The following UNC5C variants were observed in gnomAD, a reference collection of about 807,000 sequenced individuals.
UNC5C encodes the protein netrin receptor UNC5C.
Under a neutral mutation model 99.8 loss-of-function variants are expected in UNC5C, and 47 were observed. That is an observed-to-expected ratio of 0.47 (90% CI 0.37 to 0.60). The LOEUF (loss-of-function observed/expected upper bound fraction) is 0.60. UNC5C is among the 20% of genes least tolerant of loss of function. The probability of loss-of-function intolerance (pLI) is 0.00; values close to 1 mark genes in which losing one functional copy is unlikely to be tolerated. For missense variants in UNC5C, 1,062 were observed against 1,165.9 expected (o/e 0.91, Z 1.30); for synonymous variants, 487 against 452.2 (o/e 1.08, Z -0.98).
At chr4:95,473,780 C>A (rs1368677248) in intron 1 of UNC5C, among the ~76,000 whole-genome samples, 2 of 152,148 alleles carry the variant, frequency 1.3e-5, no homozygotes, top group South Asian at 2.1e-4. Flanking sequence ...ACCACTTGCA[C>A]TAAAAACTTC....
At chr4:95,359,813 A>G (rs1431169091) in intron 1 of UNC5C, among the ~76,000 whole-genome samples, 2 of 152,188 alleles carry the variant, frequency 1.3e-5, no homozygotes, top group Non-Finnish European at 2.9e-5. Flanking sequence ...AATATTGAAA[A>G]AAATATTTTA....
chr4:95,393,372 C>T (rs1246624155), intron 1 of UNC5C, among the ~76,000 whole-genome samples: 1 of 152,098 alleles, frequency 6.6e-6, no homozygotes, highest in Non-Finnish European at 1.5e-5. Flanking sequence ...TGGTGGAACA[C>T]TGTTGGAGGA....
chr4:95,368,705 G>A (rs909025383), intron 1 of UNC5C, among the ~76,000 whole-genome samples: 11 of 152,028 alleles, frequency 7.2e-5, no homozygotes, highest in African/African-American at 2.4e-4. Flanking sequence ...AATGCAAATC[G>A]CATATGTAAT....
chr4:95,184,302 T>G (rs1459613431), intron 13 of UNC5C, among the ~76,000 whole-genome samples: 1 of 152,196 alleles, frequency 6.6e-6, no homozygotes, highest in Non-Finnish European at 1.5e-5. Context: ...AGTCTTCCAG[T>G]ATGTTCATTG....
intron 1 of UNC5C, among the ~76,000 whole-genome samples, chr4:95,488,474 T>C (rs1429686520): frequency 6.6e-6 from 1 of 151,806 alleles, no homozygotes; most frequent in Non-Finnish European, 1.5e-5. Flanking sequence ...AAGCAGTACT[T>C]CCATAGCTTC....
chr4:95,325,436 T>C (rs1489707340), intron 2 of UNC5C, among the ~76,000 whole-genome samples: 1 of 151,604 alleles, frequency 6.6e-6, no homozygotes, highest in Non-Finnish European at 1.5e-5. Context: ...AACAGAAGGA[T>C]AATTTGAAAA....
At chr4:95,382,112 T>C (rs6850970) in intron 1 of UNC5C, among the ~76,000 whole-genome samples, 37,598 of 151,928 alleles carry the variant, frequency 0.25, 5,458 homozygotes, top group East Asian at 0.65. Flanking sequence ...TAAGTGTTTG[T>C]CCTTTTTACC....
At chr4:95,545,487 A>G (rs1723032880) in intron 1 of UNC5C, among the ~76,000 whole-genome samples, 1 of 152,172 alleles carries the variant, frequency 6.6e-6, no homozygotes, top group African/African-American at 2.4e-5. Context: ...GTCTATTTGT[A>G]CCACACCAAT....
chr4:95,309,975 C>T (rs1742220232), intron 2 of UNC5C, among the ~76,000 whole-genome samples: 2 of 152,182 alleles, frequency 1.3e-5, no homozygotes, highest in African/African-American at 4.8e-5. Flanking sequence ...AAAGGGATAT[C>T]TGCTCCCCTA....
intron 1 of UNC5C, among the ~76,000 whole-genome samples, chr4:95,365,737 A>C: frequency 6.6e-6 from 1 of 152,174 alleles, no homozygotes; most frequent in Non-Finnish European, 1.5e-5. Context: ...ATGCACATGA[A>C]AAATCACTGA....
Position 95,168,451 on chromosome 4 carries a change from C to T in UNC5C, c.*783G>A, listed in dbSNP as rs1227784344. On this transcript the variant is annotated 3_prime_UTR_variant, in exon 16 of 16. Coordinates refer to ENST00000453304, the MANE Select transcript of UNC5C (RefSeq NM_003728.4). The stretch of plus-strand genomic sequence containing the variant: ...TAATAATAATACCTTTAAAAAAAAA[C>T]ACTTCATATTGCATATTACAAACAA... 6.6e-6 allele frequency: 1 copy of T among 152,270 alleles called. No individual in the cohort carries two copies. Among genetic ancestry groups the T allele is most frequent in the Non-Finnish European group, 1.5e-5 (1 of 67,934 alleles). 9.4% of individuals were successfully genotyped at this position (152,270 alleles called of 1,614,324 possible). A position where few individuals can be genotyped will look rare whatever the true frequency, so the allele number is the denominator to read the frequency against.
chr4:95,516,018 C>T (rs984488697), intron 1 of UNC5C, among the ~76,000 whole-genome samples: 5 of 152,054 alleles, frequency 3.3e-5, no homozygotes, highest in Non-Finnish European at 7.4e-5. Flanking sequence ...TTGAAGTGAA[C>T]TGAAATAGGA....
intron 1 of UNC5C, among the ~76,000 whole-genome samples, chr4:95,405,442 A>T (rs1477485570): frequency 7.2e-5 from 11 of 152,184 alleles, no homozygotes. Flanking sequence ...TCTATGAGAC[A>T]GTTAGTCTGT....
At chr4:95,243,452 C>T (rs1471353208) in intron 6 of UNC5C, among the ~76,000 whole-genome samples, 2 of 152,012 alleles carry the variant, frequency 1.3e-5, no homozygotes, top group Non-Finnish European at 2.9e-5. Flanking sequence ...AAGCTTCTCA[C>T]AAAAATAGGA....
At chr4:95,493,076 T>C (rs73838899) in intron 1 of UNC5C, among the ~76,000 whole-genome samples, 5,678 of 151,578 alleles carry the variant, frequency 0.037, 203 homozygotes, top group African/African-American at 0.095. Context: ...ATATGACATA[T>C]TTAGAGGCAG....
chr4:95,511,123 T>C (rs1722059039), intron 1 of UNC5C, among the ~76,000 whole-genome samples: 1 of 152,132 alleles, frequency 6.6e-6, no homozygotes, highest in South Asian at 2.1e-4. Context: ...CCAAGAGAAA[T>C]GCCTTACAAC....
intron 1 of UNC5C, among the ~76,000 whole-genome samples, chr4:95,403,739 T>C (rs1338796038): frequency 6.6e-6 from 1 of 152,208 alleles, no homozygotes; most frequent in Non-Finnish European, 1.5e-5. Flanking sequence ...TCTTGTTCAA[T>C]CCTTGTTTCA....
intron 1 of UNC5C, among the ~76,000 whole-genome samples, chr4:95,366,923 TATTGTAAGCC>T (rs1474348004): frequency 6.6e-6 from 1 of 152,176 alleles, no homozygotes; most frequent in Non-Finnish European, 1.5e-5. Flanking sequence ...AGCAGAGGGA[TATTGTAAGCC>T]ATCACAGGAA....
rs1368809884 is a variant in UNC5C, at chr4:95,256,791, G to A, written c.595-6124C>T. 2.5e-4 allele frequency among the ~76,000 whole-genome samples: 37 copies of A among 150,156 alleles called. 2 individuals carry two copies. In the Admixed American group the frequency reaches 2.5e-3, roughly 10 times the overall value. On this transcript the variant is annotated intron_variant, in intron 4 of 15. Coordinates refer to ENST00000453304, the MANE Select transcript of UNC5C (RefSeq NM_003728.4). ...AGGCCTTCTGCAAGCTAAGGAGCAA[G>A]GAGAGCCAATCCAAGTCCCAAAACT...
Sources: gnomAD v4.1 joint callset for allele counts (sites outside exome capture counted in the v4.1 genomes callset) on GRCh38, gnomAD v4.1.1 for gene constraint, MANE v1.5 for transcripts, NCBI Gene and HGNC (gene_info 2026-07-23, HGNC 2026-07-21) for gene names.